Variants in OSBPL10 observed in about 807,000 individuals in gnomAD.
OSBPL10 encodes the protein oxysterol binding protein like 10, also known as oxysterol-binding protein-related protein 10.
In OSBPL10, 49 loss-of-function variants were observed where a neutral mutation model predicts 81.7. That is an observed-to-expected ratio of 0.60 (90% CI 0.48 to 0.76). The LOEUF (loss-of-function observed/expected upper bound fraction) is 0.76. Ranked by LOEUF, OSBPL10 falls within the 30% of genes least tolerant of loss-of-function variation. OSBPL10 has a pLI of 0.00. For missense variants in OSBPL10, 923 were observed against 987.8 expected (o/e 0.93, Z 0.88); for synonymous variants, 419 against 383.6 (o/e 1.09, Z -1.08).
chr3:31,957,243 A>G (rs141118186), intron 1 of OSBPL10, among the ~76,000 whole-genome samples: 256 of 152,344 alleles, frequency 1.7e-3, no homozygotes, highest in African/African-American at 5.7e-3. Context: ...TGACACATAA[A>G]TATTTTTGTT....
intron 4 of OSBPL10, among the ~76,000 whole-genome samples, chr3:31,818,878 C>A (rs536382321): frequency 6.6e-6 from 1 of 152,180 alleles, no homozygotes; most frequent in South Asian, 2.1e-4. Context: ...TGGCCTCCCC[C>A]CACTCCACCA....
chr3:31,875,269 T>G (rs1701423322), intron 3 of OSBPL10, among the ~76,000 whole-genome samples: 1 of 152,130 alleles, frequency 6.6e-6, no homozygotes, highest in Non-Finnish European at 1.5e-5. Context: ...TAGGTGGGGA[T>G]AAGTCCTTCT....
At position 32,049,705 on chromosome 3, in the gene OSBPL10, G is replaced by A. The variant is rs572956995; in HGVS notation, n.186-3102C>T. Among the ~76,000 whole-genome samples the A allele has an allele frequency of 2.0e-5, 3 of 152,278 alleles. No homozygotes were observed. The South Asian group carries it at 6.2e-4, about 32-fold the overall frequency. On this transcript the variant is annotated intron_variant and non_coding_transcript_variant, in intron 1 of 3. Coordinates refer to the OSBPL10 transcript ENST00000479173. ...CCTTGTACTCTCTGCTGATGGCTAT[G>A]AGTGACAGGATTAGGCATGTACAAG...
At chr3:31,686,563 CT>C (rs1272856539) in intron 7 of OSBPL10, among the ~76,000 whole-genome samples, 1 of 152,076 alleles carries the variant, frequency 6.6e-6, no homozygotes, top group Non-Finnish European at 1.5e-5. Flanking sequence ...GATTTTAACA[CT>C]TTTTTTTCTG....
chr3:31,844,026 C>T (rs1700568662), intron 3 of OSBPL10, among the ~76,000 whole-genome samples: 1 of 152,164 alleles, frequency 6.6e-6, no homozygotes, highest in Admixed American at 6.5e-5. Flanking sequence ...CAGAGTAGTA[C>T]AAAGATTGTT....
In OSBPL10 at chr3:31,747,940, C is replaced by A. The variant is rs1697578662; in HGVS notation, c.910G>T (p.Gly304Cys). 6.2e-7 allele frequency: 1 copy of A among 1,613,726 alleles called. No individual in the cohort carries two copies. Among genetic ancestry groups the A allele is most frequent in the Non-Finnish European group, 8.5e-7 (1 of 1,180,040 alleles). Residue 304 changes from glycine (G) to cysteine (C), a missense_variant, in exon 5 of 12, where the codon GGC becomes TGC. Transcript: ENST00000396556. ...NLLQQSVHQAGQPSQKPGASE... is the reference protein window; with the variant it reads ...NLLQQSVHQACQPSQKPGASE... The stretch of plus-strand genomic sequence containing the variant: ...GCTCCTGGCTTCTGGCTGGGCTGGC[C>A]CGCCTGGTGCACACTCTGCTGTAAC...
At position 32,032,526 on chromosome 3, in the gene OSBPL10, T is replaced by A. The variant is rs527434908; in HGVS notation, n.298+13965A>T. Among the ~76,000 whole-genome samples the A allele has an allele frequency of 1.6e-4, 25 of 152,196 alleles. No homozygotes were observed. In the East Asian group the frequency reaches 4.8e-3, roughly 29 times the overall value. On this transcript the variant is annotated intron_variant and non_coding_transcript_variant, in intron 2 of 3. Coordinates refer to the OSBPL10 transcript ENST00000479173. ...TATATATTTTGTTTTTAGGACTAAG[T>A]TCCTTCTTGCATGACCCCTCCTCCA... is the stretch of plus-strand genomic sequence containing the variant.
intron 1 of OSBPL10, among the ~76,000 whole-genome samples, chr3:31,956,704 G>A (rs559514258): frequency 6.6e-6 from 1 of 152,150 alleles, no homozygotes; most frequent in African/African-American, 2.4e-5. Context: ...CTCCAACCTG[G>A]GCGACAAGAG....
At chr3:32,001,918 G>T (rs1699152378) in intron 2 of OSBPL10, among the ~76,000 whole-genome samples, 1 of 152,144 alleles carries the variant, frequency 6.6e-6, no homozygotes, top group Admixed American at 6.5e-5. Context: ...CAATCCTGAA[G>T]AAGAGAGATT....
chr3:31,999,747 T>C (rs547836867), intron 2 of OSBPL10, among the ~76,000 whole-genome samples: 2 of 152,298 alleles, frequency 1.3e-5, no homozygotes, highest in African/African-American at 4.8e-5. Flanking sequence ...TGCCCAGATG[T>C]CAGGGATCAC....
chr3:31,661,963 G>T lies in OSBPL10; in HGVS notation c.*109C>A. The T allele has an allele frequency of 7.0e-7, 1 of 1,430,558 alleles. No homozygotes were observed. Among genetic ancestry groups the T allele is most frequent in the Non-Finnish European group, 9.5e-7 (1 of 1,047,208 alleles). 88.6% of individuals were successfully genotyped at this position (1,430,558 alleles called of 1,614,324 possible). A position where few individuals can be genotyped will look rare whatever the true frequency, so the allele number is the denominator to read the frequency against. On this transcript the variant is annotated 3_prime_UTR_variant, in exon 12 of 12. Coordinates refer to ENST00000396556, the MANE Select transcript of OSBPL10 (RefSeq NM_017784.5). Reference sequence around the variant, plus strand: ...ATTTCTCTCTCTCTCATCATTTCTTGGATGCTAATACAAGGTCTCAGTGAA... The same window carrying T: ...ATTTCTCTCTCTCTCATCATTTCTTTGATGCTAATACAAGGTCTCAGTGAA...
chr3:31,695,082 T>C lies in OSBPL10; in HGVS notation c.1245+7277A>G, dbSNP rs533662173. Reference sequence around the variant, plus strand: ...TGAATCTTGTTTCATGTGTTCTTGATTGATGAGCTATGAATTGGGTATCTT... The same window carrying C: ...TGAATCTTGTTTCATGTGTTCTTGACTGATGAGCTATGAATTGGGTATCTT... On this transcript the variant is annotated intron_variant, in intron 7 of 11. Coordinates refer to ENST00000396556, the MANE Select transcript of OSBPL10 (RefSeq NM_017784.5). 2.4e-4 allele frequency among the ~76,000 whole-genome samples: 37 copies of C among 152,320 alleles called. 1 individual carries two copies. The South Asian group carries it at 6.0e-3, about 25-fold the overall frequency.
At chr3:32,054,502 C>T (rs1260515001) in intron 1 of OSBPL10, among the ~76,000 whole-genome samples, 3 of 143,496 alleles carry the variant, frequency 2.1e-5, no homozygotes, top group African/African-American at 7.5e-5. Context: ...ACAGAAGTAA[C>T]CAACATTTCC....
intron 4 of OSBPL10, among the ~76,000 whole-genome samples, chr3:31,786,216 T>G (rs527358998): frequency 6.6e-6 from 1 of 152,336 alleles, no homozygotes; most frequent in East Asian, 1.9e-4. Flanking sequence ...CTCATCTATG[T>G]GATGAGTTGT....
chr3:31,760,732 C>A (rs985078972), intron 4 of OSBPL10, among the ~76,000 whole-genome samples: 1 of 152,140 alleles, frequency 6.6e-6, no homozygotes, highest in African/African-American at 2.4e-5. Flanking sequence ...TGTTTACAAC[C>A]TTTTTAATTC....
rs745722603 is a variant in OSBPL10 at position 31,980,885 on chromosome 3, G to A, written c.281+14C>T. 2.6e-6 allele frequency: 4 copies of A among 1,554,084 alleles called. No homozygotes were observed. Among genetic ancestry groups the A allele is most frequent in the Non-Finnish European group, 1.7e-6 (2 of 1,153,766 alleles). On this transcript the variant is annotated intron_variant, in intron 1 of 11. Coordinates refer to ENST00000396556, the MANE Select transcript of OSBPL10 (RefSeq NM_017784.5). ...CACAGCGGCGCGCGGTGGCGCGGGCGGCTGGCGCGTTACCTGTTCTGCCAG... is the reference window on the plus strand; with the variant it reads ...CACAGCGGCGCGCGGTGGCGCGGGCAGCTGGCGCGTTACCTGTTCTGCCAG...
intron 4 of OSBPL10, among the ~76,000 whole-genome samples, chr3:31,827,506 G>T (rs1031504413): frequency 6.6e-6 from 1 of 151,982 alleles, no homozygotes; most frequent in Non-Finnish European, 1.5e-5. Flanking sequence ...CGTGGTGGTG[G>T]ATGCCTGTAG....
chr3:31,723,500 T>TA (rs951671749), intron 6 of OSBPL10, among the ~76,000 whole-genome samples: 2 of 151,048 alleles, frequency 1.3e-5, no homozygotes, highest in African/African-American at 2.4e-5. Context: ...TGCCAGAACT[T>TA]AAAGACAATT....
chr3:31,960,751 C>T (rs768233674), intron 1 of OSBPL10, among the ~76,000 whole-genome samples: 34 of 152,136 alleles, frequency 2.2e-4, no homozygotes, highest in Non-Finnish European at 4.9e-4. Flanking sequence ...ACTTCTCCCT[C>T]AAGGCCATCA....
Sources: gnomAD v4.1 joint callset for allele counts (sites outside exome capture counted in the v4.1 genomes callset) on GRCh38, gnomAD v4.1.1 for gene constraint, MANE v1.5 for transcripts, NCBI Gene and HGNC (gene_info 2026-07-23, HGNC 2026-07-21) for gene names.